The following DCTN1 variants were observed in gnomAD, a reference collection of about 807,000 sequenced individuals.
DCTN1 encodes the protein dynactin subunit 1.
A neutral mutation model predicts 161.2 loss-of-function variants in DCTN1; 61 were observed. The observed-to-expected ratio is 0.38, with a 90% CI of 0.31 to 0.47. The LOEUF is 0.47. Among genes scored for constraint, DCTN1 ranks in the 20% least tolerant of loss-of-function variants. The pLI is 0.99. For missense variants in DCTN1, 1,404 were observed against 1,623.7 expected (o/e 0.86, Z 2.33); for synonymous variants, 653 against 632.4 (o/e 1.03, Z -0.49).
intron 1 of DCTN1, among the ~76,000 whole-genome samples, chr2:74,389,786 G>A (rs186154166): frequency 2.4e-4 from 36 of 152,286 alleles, no homozygotes; most frequent in Admixed American, 1.2e-3. Flanking sequence ...TAGATCAAAT[G>A]AAATCATGCC....
chr2:74,370,594 G>A lies in DCTN1; in HGVS notation c.1048+27C>T, dbSNP rs367895892. The A allele has an allele frequency of 2.5e-6, 4 of 1,613,886 alleles. No individual in the cohort carries two copies. The African/African-American group carries it at 5.3e-5, about 22-fold the overall frequency. ...AGGCATGGTTCTCACCTGACCGTTTGGCCCCCAGCAGCTGTGGGCCCCTTA... is the reference window on the plus strand; with the variant it reads ...AGGCATGGTTCTCACCTGACCGTTTAGCCCCCAGCAGCTGTGGGCCCCTTA... On this transcript the variant is annotated intron_variant, in intron 10 of 31. Transcript: ENST00000628224. This position sits in a 1 kb window ranked among gnomAD's most constrained non-coding sequence, Gnocchi z 4.4.
chr2:74,368,944 C>T, intron 15 of DCTN1, 64 bp from the exon 16 acceptor site: 1 of 1,602,690 alleles, frequency 6.2e-7, no homozygotes, highest in Non-Finnish European at 8.5e-7. Context: ...ATTCCCATGC[C>T]TTGCTCCAGT....
chr2:74,370,905 G>T lies in DCTN1; in HGVS notation c.843+74C>A. 1.9e-6 allele frequency: 3 copies of T among 1,613,332 alleles called. No homozygotes were observed. The highest frequency in any genetic ancestry group is 2.5e-6 in the Non-Finnish European group (3 of 1,179,840). ...TTCTCACAGTATGTTCCAGGCTCCA[G>T]CTCCAGTCTAGTTTCCAGCATGCTT... On this transcript the variant is annotated intron_variant, in intron 9 of 31. Coordinates refer to ENST00000628224, the MANE Select transcript of DCTN1 (RefSeq NM_004082.5). The surrounding 1 kb of genome is among the most constrained non-coding windows in gnomAD (Gnocchi z 4.4).
intron 8 of DCTN1, 139 bp downstream of exon 8, chr2:74,371,398 G>A: frequency 8.0e-7 from 1 of 1,242,542 alleles, no homozygotes; most frequent in Non-Finnish European, 1.1e-6. Flanking sequence ...TCAGTAGCAA[G>A]ATATCCATAG....
upstream of DCTN1, among the ~76,000 whole-genome samples, chr2:74,381,924 C>T (rs1675527175): frequency 6.6e-6 from 1 of 152,128 alleles, no homozygotes; most frequent in Admixed American, 6.5e-5. Flanking sequence ...TACAATAACC[C>T]CATTGAGAGG....
At chr2:74,374,208 C>A (rs555876452) in intron 6 of DCTN1, 115 bp downstream of exon 6, 30 of 1,173,288 alleles carry the variant, frequency 2.6e-5, no homozygotes, top group Non-Finnish European at 3.8e-5. Context: ...CGTCCTCACC[C>A]GCCTCCCCGA....
Position 74,370,647 on chromosome 2 carries a change from A to G in DCTN1, c.1022T>C (p.Ile341Thr). ...RVDELTTDLE[I>T]LKAEIEEKGS... is the part of the protein sequence containing the mutation. Reference sequence around the variant, plus strand: ...CTTCTCTTCAATCTCAGCCTTGAGGATCTCTAAGTCAGTAGTGAGCTCGTC... The same window carrying G: ...CTTCTCTTCAATCTCAGCCTTGAGGGTCTCTAAGTCAGTAGTGAGCTCGTC... The change falls in exon 10 of 32, where the codon ATC becomes ACC. Residue 341 changes from isoleucine (I) to threonine (T), a missense_variant. This residue lies in a region of DCTN1 where 278 missense variants were observed against 363.8 expected (regional missense o/e 0.76). Coordinates refer to ENST00000628224, the MANE Select transcript of DCTN1 (RefSeq NM_004082.5). This position sits in a 1 kb window ranked among gnomAD's most constrained non-coding sequence, Gnocchi z 4.4. 10 of 1,614,064 alleles carry G rather than the reference A, an allele frequency of 6.2e-6. No individual in the cohort carries two copies. Among genetic ancestry groups the G allele is most frequent in the Non-Finnish European group, 8.5e-6 (10 of 1,180,018 alleles).
chr2:74,362,763 G>A lies in DCTN1; in HGVS notation c.3530-34C>T, dbSNP rs756658012. The A allele has an allele frequency of 3.6e-5, 58 of 1,601,096 alleles. No individual in the cohort carries two copies. In the Admixed American group the frequency reaches 8.9e-4, roughly 24 times the overall value. On this transcript the variant is annotated intron_variant, in intron 29 of 31. Transcript: ENST00000628224. ...AGAGAAAGCTGGTGAGGCCCACCAA[G>A]GCGCAGGCAGGCAGTTCTACTGGAT...
rs377234819 is a variant in DCTN1, at chr2:74,371,488, C to T, written c.645+49G>A. ...ATTTTCAAGACACAGCGGGTAGCCA[C>T]AAGCCTCTGGGTGTCTTGATTCTCC... On this transcript the variant is annotated intron_variant, in intron 8 of 31. Transcript: ENST00000628224. 259 of 1,523,766 alleles carry T rather than the reference C, an allele frequency of 1.7e-4. 1 individual carries two copies. In the African/African-American group the frequency reaches 3.0e-3, roughly 18 times the overall value. 94.4% of individuals were successfully genotyped at this position (1,523,766 alleles called of 1,614,324 possible). A position where few individuals can be genotyped will look rare whatever the true frequency, so the allele number is the denominator to read the frequency against.
At chr2:74,363,506 T>C in intron 27 of DCTN1, 79 bp from the exon 28 acceptor site, 1 of 1,598,506 alleles carries the variant, frequency 6.3e-7, no homozygotes, top group Non-Finnish European at 8.5e-7. Flanking sequence ...TCTTCCCCTT[T>C]CCTCATCCCC....
Position 74,362,549 on chromosome 2 carries a change from A to G in DCTN1, c.3609+101T>C, listed in dbSNP as rs567657998. 166 of 1,262,364 alleles carry G rather than the reference A, an allele frequency of 1.3e-4. No homozygotes were observed. The African/African-American group carries it at 1.3e-3, about 10-fold the overall frequency. 78.2% of individuals were successfully genotyped at this position (1,262,364 alleles called of 1,614,324 possible). ...TGCCTTCCCTTCCATCTCCTCCCCA[A>G]TTGCTGTCTAGCACAGGGCTGGGCT... On this transcript the variant is annotated intron_variant, in intron 30 of 31. Transcript: ENST00000628224.
At chr2:74,384,004 T>C (rs997526947), upstream of DCTN1, among the ~76,000 whole-genome samples, 5 of 152,204 alleles carry the variant, frequency 3.3e-5, no homozygotes, top group African/African-American at 1.2e-4. Context: ...GATGGGTCAA[T>C]GAATGCATGA....
Position 74,368,835 on chromosome 2 carries a change from G to A in DCTN1, c.1747C>T (p.Arg583Ter), listed in dbSNP as rs1288295388. Residue 583 changes from arginine (R) to a stop codon, truncating the protein, a stop_gained, in exon 16 of 32, where the codon CGA becomes TGA. Transcript: ENST00000628224. LOFTEE classifies it high-confidence loss of function. Reference sequence around the variant, plus strand: ...AAGGCTGTCAGCAGGGACATGTGTCGATTGGCCTGGGCCACCTCCATCTGC... The same window carrying A: ...AAGGCTGTCAGCAGGGACATGTGTCAATTGGCCTGGGCCACCTCCATCTGC... ...LRQMEVAQANRHMSLLTAFMP... is the reference protein window; with the variant it reads ...LRQMEVAQAN 3 of 1,614,150 alleles carry A rather than the reference G, an allele frequency of 1.9e-6. No individual in the cohort carries two copies. The highest frequency in any genetic ancestry group is 2.5e-6 in the Non-Finnish European group (3 of 1,180,058).
chr2:74,362,027 T>TCC (rs765642699), intron 31 of DCTN1, 25 bp downstream of exon 31: 109 of 1,610,724 alleles, frequency 6.8e-5, no homozygotes, highest in South Asian at 6.4e-4. Flanking sequence ...CACTGTCCCA[T>TCC]CCTCCACCCC....
chr2:74,386,900 G>C (rs971514744), intron 1 of DCTN1: 2 of 152,026 alleles, frequency 1.3e-5, no homozygotes, highest in African/African-American at 4.8e-5. Context: ...CCTGTCTACT[G>C]GATCTTACAT....
In DCTN1 at chr2:74,361,341, T is replaced by C. The variant is rs1185119372; in HGVS notation, c.*158A>G. ...GGGAGTGGGGGAACCCGGGTCAAGGTGAAGGGGCAGGACGCTGAAAGGGTG... is the reference window on the plus strand; with the variant it reads ...GGGAGTGGGGGAACCCGGGTCAAGGCGAAGGGGCAGGACGCTGAAAGGGTG... On this transcript the variant is annotated 3_prime_UTR_variant, in exon 32 of 32. Transcript: ENST00000628224. The C allele has an allele frequency of 5.8e-6, 6 of 1,041,772 alleles. No individual in the cohort carries two copies. The Admixed American group carries it at 1.2e-4, about 21-fold the overall frequency. 64.5% of individuals were successfully genotyped at this position (1,041,772 alleles called of 1,614,324 possible).
At chr2:74,371,480 G>A in intron 8 of DCTN1, 57 bp downstream of exon 8, 1 of 1,502,700 alleles carries the variant, frequency 6.7e-7, no homozygotes, top group Non-Finnish European at 9.0e-7. Flanking sequence ...AGACACAGCG[G>A]GTAGCCACAA....
chr2:74,377,297 T>C, intron 4 of DCTN1, 135 bp downstream of exon 4: 1 of 797,480 alleles, frequency 1.3e-6, no homozygotes, highest in Non-Finnish European at 2.2e-6. Context: ...GAAAGCCTCC[T>C]TCTTAGGGAA....
At position 74,361,319 on chromosome 2, in the gene DCTN1, A is replaced by G. The variant is rs758979848; in HGVS notation, c.*180T>C. On this transcript the variant is annotated 3_prime_UTR_variant, in exon 32 of 32. Coordinates refer to ENST00000628224, the MANE Select transcript of DCTN1 (RefSeq NM_004082.5). The stretch of plus-strand genomic sequence containing the variant: ...ATTATGGCAGAGGCCAGGGAATGGG[A>G]GTGGGGGAACCCGGGTCAAGGTGAA... 1 of 844,890 alleles carries G rather than the reference A, an allele frequency of 1.2e-6. No individual in the cohort carries two copies. The allele number at this position is 844,890 out of a possible 1,614,324, so 52.3% of individuals were successfully genotyped here. A position where few individuals can be genotyped will look rare whatever the true frequency, so the allele number is the denominator to read the frequency against.
Sources: allele counts gnomAD v4.1 joint callset (sites outside exome capture counted in the v4.1 genomes callset), GRCh38; gene constraint gnomAD v4.1.1; regional missense constraint gnomAD v4.1.1; non-coding constraint Gnocchi (gnomAD v3.1); transcripts MANE v1.5; gene names NCBI Gene and HGNC (gene_info 2026-07-23, HGNC 2026-07-21).